NFASC: variants seen among roughly 807,000 people sequenced by gnomAD.
NFASC encodes neurofascin homolog.
In NFASC, 43 loss-of-function variants were observed where a neutral mutation model predicts 147.5. The observed-to-expected ratio is 0.29, with a 90% CI of 0.23 to 0.38. The LOEUF is 0.38. Among genes scored for constraint, NFASC ranks in the 10% least tolerant of loss-of-function variants. NFASC has a pLI of 1.00. For missense variants in NFASC, 1,320 were observed against 1,689.0 expected, an observed-to-expected ratio of 0.78 and a Z score of 3.83; for synonymous variants, 622 against 665.5, an observed-to-expected ratio of 0.93 and a Z score of 1.01.
At chr1:204,938,923 G>A (rs906794524) in intron 2 of NFASC, among the ~76,000 whole-genome samples, 7 of 152,200 alleles carry the variant, frequency 4.6e-5, no homozygotes, top group African/African-American at 1.7e-4. Context: ...GTGTGGGAAT[G>A]TTGTCAGTAA....
At chr1:204,870,593 T>C in intron 1 of NFASC, 1 of 887,848 alleles carries the variant, frequency 1.1e-6, no homozygotes, top group Non-Finnish European at 1.4e-6. Flanking sequence ...TCTCTCTGTC[T>C]ATCCCCTCAG....
intron 8 of NFASC, among the ~76,000 whole-genome samples, chr1:204,962,981 G>T (rs1236260580): frequency 6.6e-6 from 1 of 152,146 alleles, no homozygotes; most frequent in Non-Finnish European, 1.5e-5. Context: ...GCAGCCAGAG[G>T]CACCATCATT....
At chr1:204,935,908 C>G (rs141274963) in intron 2 of NFASC, among the ~76,000 whole-genome samples, 18 of 152,288 alleles carry the variant, frequency 1.2e-4, no homozygotes, top group Middle Eastern at 3.4e-3. Flanking sequence ...GTTCTTTCCT[C>G]CCACACTATC....
chr1:204,853,858 TG>T (rs1198989132), intron 1 of NFASC, among the ~76,000 whole-genome samples: 1 of 152,096 alleles, frequency 6.6e-6, no homozygotes, highest in Non-Finnish European at 1.5e-5. Context: ...GGCACACCCC[TG>T]GGTCTCTCCT....
intron 1 of NFASC, among the ~76,000 whole-genome samples, chr1:204,887,826 G>C (rs1396074628): frequency 2.0e-5 from 3 of 151,988 alleles, no homozygotes; most frequent in Non-Finnish European, 4.4e-5. Flanking sequence ...TCAAACTCCT[G>C]GGCCCAAGCA....
At chr1:204,943,531 T>G (rs891619825) in intron 2 of NFASC, among the ~76,000 whole-genome samples, 4 of 152,234 alleles carry the variant, frequency 2.6e-5, no homozygotes, top group African/African-American at 9.6e-5. Context: ...CAGGGACCAC[T>G]GTACCTTAGC....
intron 10 of NFASC, 66 bp downstream of exon 10, chr1:204,969,048 T>C: frequency 6.9e-7 from 1 of 1,444,492 alleles, no homozygotes; most frequent in African/African-American, 1.4e-5. Flanking sequence ...CACCCTTCCC[T>C]CTGAGGGTGG....
At chr1:204,939,062 G>T (rs1317296445) in intron 2 of NFASC, among the ~76,000 whole-genome samples, 1 of 151,476 alleles carries the variant, frequency 6.6e-6, no homozygotes, top group Non-Finnish European at 1.5e-5. Context: ...GTGTGTGTGT[G>T]TGTGTGTGTG....
intron 3 of NFASC, chr1:204,946,246 G>T: frequency 6.5e-6 from 3 of 465,094 alleles, no homozygotes; most frequent in South Asian, 4.5e-5. Context: ...CACTGGAATC[G>T]CAGGTGTCAT....
Position 204,997,294 on chromosome 1 carries a change from C to A in NFASC, c.2907C>A (p.Thr969=), listed in dbSNP as rs1395770084. 6.2e-7 allele frequency: 1 copy of A among 1,605,072 alleles called. No homozygotes were observed. Among genetic ancestry groups the A allele is most frequent in the South Asian group, 1.1e-5 (1 of 90,162 alleles). ...TVPIIPTVAP[T]TIATTTTVAT... The stretch of plus-strand genomic sequence containing the variant: ...CCATCATCCCAACTGTCGCACCTAC[C>A]ACCATCGCCACCACCACCACCGTCG... Residue 969 remains threonine (T), a synonymous_variant, in exon 25 of 30, where the codon ACC becomes ACA. Transcript: ENST00000339876.
At position 204,969,342 on chromosome 1, in the gene NFASC, G is replaced by A. The variant is rs776006921; in HGVS notation, c.1003+360G>A. 3.3e-5 allele frequency among the ~76,000 whole-genome samples: 5 copies of A among 152,188 alleles called. No individual in the cohort carries two copies. In the South Asian group the frequency reaches 6.2e-4, roughly 19 times the overall value. On this transcript the variant is annotated intron_variant, in intron 10 of 29. Coordinates refer to ENST00000339876, the MANE Select transcript of NFASC (RefSeq NM_001005388.3). ...GTGATGTGTCACGTGAGCCCGTGCTGTCTGTGTACCTATGCATGATGCTGT... is the reference window on the plus strand; with the variant it reads ...GTGATGTGTCACGTGAGCCCGTGCTATCTGTGTACCTATGCATGATGCTGT...
chr1:204,839,939 C>T (rs1053269855), intron 1 of NFASC, among the ~76,000 whole-genome samples: 1 of 152,150 alleles, frequency 6.6e-6, no homozygotes, highest in Non-Finnish European at 1.5e-5. Context: ...GCCCCTGGCT[C>T]TACTGTCTTG....
At position 204,954,403 on chromosome 1, in the gene NFASC, G is replaced by A. The variant is rs2094316729; in HGVS notation, c.412+19G>A. The A allele has an allele frequency of 1.9e-6, 3 of 1,609,458 alleles. No individual in the cohort carries two copies. Among genetic ancestry groups the A allele is most frequent in the African/African-American group, 2.7e-5 (2 of 74,810 alleles). The stretch of plus-strand genomic sequence containing the variant: ...GTGTCTAGTGAGTAGCGTGGGGCAG[G>A]GCTGAAATGCCCTGCTCCTGGGTAA... On this transcript the variant is annotated intron_variant, in intron 6 of 29. Coordinates refer to ENST00000339876, the MANE Select transcript of NFASC (RefSeq NM_001005388.3). The surrounding 1 kb of genome is among the most constrained non-coding windows in gnomAD (Gnocchi z 5.7).
chr1:204,891,896 C>T (rs1041848643), intron 1 of NFASC, among the ~76,000 whole-genome samples: 12 of 152,336 alleles, frequency 7.9e-5, no homozygotes, highest in African/African-American at 2.2e-4. Context: ...CCAAAACTTA[C>T]GGCCAAACTA....
intron 1 of NFASC, among the ~76,000 whole-genome samples, chr1:204,893,009 A>G (rs2082691689): frequency 6.6e-6 from 1 of 152,222 alleles, no homozygotes; most frequent in Non-Finnish European, 1.5e-5. Context: ...AACAATGACT[A>G]GGTTTCATAG....
intron 1 of NFASC, among the ~76,000 whole-genome samples, chr1:204,896,765 T>C (rs1192010757): frequency 6.6e-6 from 1 of 152,238 alleles, no homozygotes; most frequent in African/African-American, 2.4e-5. Context: ...ATTATTATTA[T>C]TAATGGCAGC....
intron 4 of NFASC, among the ~76,000 whole-genome samples, chr1:204,951,066 C>G (rs1287378040): frequency 6.6e-6 from 1 of 152,022 alleles, no homozygotes; most frequent in African/African-American, 2.4e-5. Context: ...AACTATTGTG[C>G]ACTGTATGTT....
At chr1:204,856,765 A>G (rs898508552) in intron 1 of NFASC, among the ~76,000 whole-genome samples, 1 of 152,240 alleles carries the variant, frequency 6.6e-6, no homozygotes, top group South Asian at 2.1e-4. Context: ...AAGAAATCAT[A>G]CAATATGTAG....
intron 21 of NFASC, chr1:204,984,369 G>A (rs868058371): frequency 1.3e-4 from 23 of 179,532 alleles, no homozygotes; most frequent in South Asian, 1.3e-4. Context: ...GTGTGTGTGT[G>A]TATATATATA....
Sources: allele counts gnomAD v4.1 joint callset (sites outside exome capture counted in the v4.1 genomes callset), GRCh38; gene constraint gnomAD v4.1.1; non-coding constraint Gnocchi (gnomAD v3.1); transcripts MANE v1.5; gene names NCBI Gene and HGNC (gene_info 2026-07-23, HGNC 2026-07-21).